The following TCF12 variants were observed in gnomAD, a reference collection of about 807,000 sequenced individuals.
TCF12 encodes transcription factor 12, also known as DNA-binding protein HTF4.
Under a neutral mutation model 86.0 loss-of-function variants are expected in TCF12, and 45 were observed. The observed-to-expected ratio is 0.52, with a 90% confidence interval of 0.41 to 0.67. The LOEUF is 0.67. Among genes scored for constraint, TCF12 ranks in the 30% least tolerant of loss-of-function variants. The pLI is 0.00. For synonymous variants in TCF12, 330 were observed against 299.6 expected (o/e 1.10, Z -1.05); for missense variants, 881 against 859.9 (o/e 1.02, Z -0.31).
intron 13 of TCF12, among the ~76,000 whole-genome samples, chr15:57,249,228 T>C (rs2059997268): frequency 6.6e-6 from 1 of 152,190 alleles, no homozygotes. Flanking sequence ...TTTCATATAG[T>C]CAGTTATTGA....
chr15:57,254,046 A>G (rs192421722), intron 16 of TCF12, among the ~76,000 whole-genome samples: 7 of 152,202 alleles, frequency 4.6e-5, no homozygotes, highest in African/African-American at 1.7e-4. Flanking sequence ...ACAGCCATAC[A>G]CATCAAAAAT....
intron 3 of TCF12, among the ~76,000 whole-genome samples, chr15:56,939,967 GTTTTTTTTTTTTTTT>G (rs67832685): frequency 9.5e-6 from 1 of 104,752 alleles, no homozygotes; most frequent in Admixed American, 1.0e-4. Context: ...TTAATAGCGT[GTTTTTTTTTTTTTTT>G]TTTTTTTTTG....
At chr15:57,217,763 C>G (rs935329) in intron 8 of TCF12, among the ~76,000 whole-genome samples, 11,328 of 151,996 alleles carry the variant, frequency 0.075, 1,245 homozygotes, top group African/African-American at 0.24. Flanking sequence ...AGTAGCCGAT[C>G]TGTCAGTAGA....
intron 3 of TCF12, among the ~76,000 whole-genome samples, chr15:57,024,216 C>CTTTTTTTTTTTTTTTTTTTTTTTTTTT (rs59793819): frequency 1.8e-5 from 2 of 111,300 alleles, no homozygotes; most frequent in Admixed American, 1.1e-4. Flanking sequence ...AAAAAAGTGT[C>CTTTTTTTTTTTTTTTTTTTTTTTTTTT]TTTTTTTTTT....
At chr15:57,164,806 G>C (rs1468788376) in intron 5 of TCF12, among the ~76,000 whole-genome samples, 2 of 151,976 alleles carry the variant, frequency 1.3e-5, no homozygotes, top group African/African-American at 4.8e-5. Context: ...TCAGCTTCTC[G>C]AGTAGCTGGG....
chr15:57,271,955 G>A (rs1328702621), intron 18 of TCF12, among the ~76,000 whole-genome samples: 1 of 152,064 alleles, frequency 6.6e-6, no homozygotes, highest in Non-Finnish European at 1.5e-5. Context: ...TATTCCCCTT[G>A]GTAGTGAGTC....
chr15:57,232,632 G>T, intron 10 of TCF12, 80 bp from the exon 11 acceptor site: 4 of 1,486,978 alleles, frequency 2.7e-6, no homozygotes, highest in South Asian at 2.7e-5. Context: ...TGCTCTTTTT[G>T]ACCTGTTATC....
At chr15:57,205,904 G>A (rs1381557) in intron 8 of TCF12, among the ~76,000 whole-genome samples, 148,463 of 152,296 alleles carry the variant, frequency 0.97, 72,491 homozygotes, top group East Asian at 1. Flanking sequence ...TATGGATCCA[G>A]TTGTACTGAT....
intron 12 of TCF12, among the ~76,000 whole-genome samples, chr15:57,240,461 T>C (rs563510712): frequency 1.3e-5 from 2 of 152,316 alleles, no homozygotes; most frequent in South Asian, 2.1e-4. Context: ...ATCAGTGTTA[T>C]CAGCCTTTCC....
At chr15:57,273,379 A>G (rs2061235351) in intron 19 of TCF12, 117 bp downstream of exon 19, 2 of 1,051,372 alleles carry the variant, frequency 1.9e-6, no homozygotes, top group South Asian at 1.6e-5. Flanking sequence ...TACTTCTTCT[A>G]CTGTATCATC....
chr15:57,173,692 A>T (rs1264451199), intron 6 of TCF12, among the ~76,000 whole-genome samples: 1 of 151,904 alleles, frequency 6.6e-6, no homozygotes, highest in Non-Finnish European at 1.5e-5. Context: ...ACAAAATCTG[A>T]ATCCATGTAT....
At chr15:57,024,216 C>CTTTTTTTTTTTT (rs59793819) in intron 3 of TCF12, among the ~76,000 whole-genome samples, 3 of 111,300 alleles carry the variant, frequency 2.7e-5, no homozygotes, top group African/African-American at 6.3e-5. Flanking sequence ...AAAAAAGTGT[C>CTTTTTTTTTTTT]TTTTTTTTTT....
intron 4 of TCF12, among the ~76,000 whole-genome samples, chr15:57,085,083 T>C (rs569506041): frequency 1.2e-4 from 18 of 152,240 alleles, no homozygotes; most frequent in African/African-American, 4.3e-4. Flanking sequence ...AGTTCAAGAC[T>C]CGCTCTTCCT....
At chr15:57,164,033 G>A (rs1270865950) in intron 5 of TCF12, among the ~76,000 whole-genome samples, 1 of 152,104 alleles carries the variant, frequency 6.6e-6, no homozygotes, top group African/African-American at 2.4e-5. Flanking sequence ...GGTGGAGAGG[G>A]CATGACTTAG....
intron 4 of TCF12, among the ~76,000 whole-genome samples, chr15:57,083,217 A>G (rs2048422448): frequency 6.6e-6 from 1 of 152,178 alleles, no homozygotes; most frequent in South Asian, 2.1e-4. Flanking sequence ...CTATACTGGT[A>G]ATGTTCTATT....
At chr15:57,018,173 G>C (rs1428968155) in intron 3 of TCF12, among the ~76,000 whole-genome samples, 1 of 152,212 alleles carries the variant, frequency 6.6e-6, no homozygotes, top group African/African-American at 2.4e-5. Flanking sequence ...ATAGATTCAA[G>C]TTGCTCTGAA....
rs766692748 is a variant in TCF12, at chr15:57,263,611, T to G, written c.1745+337T>G. On this transcript the variant is annotated intron_variant, in intron 18 of 20. Coordinates refer to ENST00000333725, the MANE Select transcript of TCF12 (RefSeq NM_207037.2). The stretch of plus-strand genomic sequence containing the variant: ...AAATCATGTGGTACGGACATTTAGA[T>G]AGATTTGATCAATAAATATTTGAAT... 3.2e-4 allele frequency among the ~76,000 whole-genome samples: 49 copies of G among 151,504 alleles called. 1 individual carries two copies. Among genetic ancestry groups the G allele is most frequent in the Middle Eastern group, 6.8e-3 (2 of 294 alleles).
In TCF12 at chr15:57,120,217, A is replaced by G. The variant is rs116966793; in HGVS notation, c.325+28326A>G. Among the ~76,000 whole-genome samples, 1,327 of 152,218 alleles carry G rather than the reference A, an allele frequency of 8.7e-3. 64 individuals carry two copies. The East Asian group carries it at 0.15, about 17-fold the overall frequency. Reference sequence around the variant, plus strand: ...TGACTTTGCCGTCCTGGAGTTTTCAACCCATGCTTGTCTTTTCTAGAAAGC... The same window carrying G: ...TGACTTTGCCGTCCTGGAGTTTTCAGCCCATGCTTGTCTTTTCTAGAAAGC... On this transcript the variant is annotated intron_variant, in intron 5 of 20. Coordinates refer to ENST00000333725, the MANE Select transcript of TCF12 (RefSeq NM_207037.2).
At chr15:57,216,812 G>A (rs2058350322) in intron 8 of TCF12, among the ~76,000 whole-genome samples, 1 of 151,980 alleles carries the variant, frequency 6.6e-6, no homozygotes, top group Non-Finnish European at 1.5e-5. Context: ...AGTTTTTTGG[G>A]GGGTAAGGCA....
Sources: gnomAD v4.1 joint callset for allele counts (sites outside exome capture counted in the v4.1 genomes callset) on GRCh38, gnomAD v4.1.1 for gene constraint, MANE v1.5 for transcripts, NCBI Gene and HGNC (gene_info 2026-07-23, HGNC 2026-07-21) for gene names.